Variants in DAB2IP observed in about 807,000 individuals in gnomAD.
DAB2IP encodes the protein disabled homolog 2-interacting protein.
DAB2IP carries 28 observed loss-of-function variants against 107.2 expected under a neutral mutation model. The ratio of observed to expected loss-of-function variants is 0.26; its 90% CI spans 0.19 to 0.36. The LOEUF (loss-of-function observed/expected upper bound fraction) is 0.36, where lower values mean the gene tolerates loss of function less well. DAB2IP is among the 10% of genes least tolerant of loss of function. DAB2IP has a pLI of 1.00. For synonymous variants in DAB2IP, 755 were observed against 706.4 expected, an observed-to-expected ratio of 1.07 and a Z score of -1.09; for missense variants, 1,400 against 1,644.7, an observed-to-expected ratio of 0.85 and a Z score of 2.57.
chr9:121,667,778 G>A (rs1244896670), intron 1 of DAB2IP, among the ~76,000 whole-genome samples: 1 of 152,066 alleles, frequency 6.6e-6, no homozygotes, highest in Admixed American at 6.5e-5. Flanking sequence ...GATTACAGGC[G>A]TGAGCCACCA....
At chr9:121,656,240 T>A (rs1446779693) in intron 1 of DAB2IP, among the ~76,000 whole-genome samples, 1 of 151,990 alleles carries the variant, frequency 6.6e-6, no homozygotes, top group Non-Finnish European at 1.5e-5. Context: ...ACTCCCAGCC[T>A]CAGGTGATAC....
chr9:121,693,742 G>C (rs1225557465), intron 2 of DAB2IP, among the ~76,000 whole-genome samples: 10 of 152,204 alleles, frequency 6.6e-5, no homozygotes, highest in Non-Finnish European at 1.5e-5. Flanking sequence ...TGTTGAAAGG[G>C]GAGAGGGTGA....
At chr9:121,585,945 C>T (rs1197313885) in intron 1 of DAB2IP, among the ~76,000 whole-genome samples, 1 of 152,174 alleles carries the variant, frequency 6.6e-6, no homozygotes, top group Non-Finnish European at 1.5e-5. Context: ...GATCCTAACC[C>T]ATCAGTGGCT....
intron 1 of DAB2IP, among the ~76,000 whole-genome samples, chr9:121,569,019 G>A (rs911062201): frequency 2.0e-5 from 3 of 152,220 alleles, no homozygotes; most frequent in Non-Finnish European, 4.4e-5. Flanking sequence ...GGGACAGAGG[G>A]GGCCTTAGGA....
chr9:121,649,224 C>T (rs117501411), upstream of DAB2IP, among the ~76,000 whole-genome samples: 3 of 102,844 alleles, frequency 2.9e-5, no homozygotes. Flanking sequence ...CACTAGCTGA[C>T]CCTCCTTCCT....
chr9:121,627,339 C>A (rs1209515672), intron 1 of DAB2IP, among the ~76,000 whole-genome samples: 2 of 151,892 alleles, frequency 1.3e-5, no homozygotes, highest in East Asian at 3.9e-4. Flanking sequence ...TTCAACCAGG[C>A]CCCCTGTGAT....
intron 11 of DAB2IP, 103 bp downstream of exon 11, chr9:121,770,827 A>C: frequency 6.9e-7 from 1 of 1,450,510 alleles, no homozygotes; most frequent in Non-Finnish European, 9.3e-7. Context: ...CATAGTGTTT[A>C]TAAAACAAGC....
At chr9:121,647,469 C>T (rs1832577107), upstream of DAB2IP, among the ~76,000 whole-genome samples, 4 of 152,172 alleles carry the variant, frequency 2.6e-5, no homozygotes, top group South Asian at 8.3e-4. Flanking sequence ...ATCTGGTGCC[C>T]CTGCTGACCC....
rs12006293 is a variant in DAB2IP, at chr9:121,568,793, G to A, written c.40+1565G>A. On this transcript the variant is annotated intron_variant, in intron 1 of 16. Transcript: ENST00000259371. ...GGTGGGAAGGACCAGCCCCAGCCAG[G>A]GATATCTCAGGAACCCACAGTCCCC... Among the ~76,000 whole-genome samples, 602 of 152,322 alleles carry A rather than the reference G, an allele frequency of 4.0e-3. 4 individuals carry two copies. Among genetic ancestry groups the A allele is most frequent in the African/African-American group, 0.014 (574 of 41,570 alleles).
chr9:121,757,341 T>TG (rs967781992), intron 4 of DAB2IP, among the ~76,000 whole-genome samples, 175 bp downstream of exon 4: 1 of 152,144 alleles, frequency 6.6e-6, no homozygotes, highest in Non-Finnish European at 1.5e-5. Context: ...CTGGTGGAGC[T>TG]GGGGTGGAGG....
Position 121,624,703 on chromosome 9 carries a change from C to T in DAB2IP, c.41-53975C>T, listed in dbSNP as rs572478318. Among the ~76,000 whole-genome samples, 86 of 152,338 alleles carry T rather than the reference C, an allele frequency of 5.6e-4. 1 individual carries two copies. The highest frequency in any genetic ancestry group is 1.0e-3 in the Non-Finnish European group (68 of 68,032). On this transcript the variant is annotated intron_variant, in intron 1 of 16. Coordinates refer to the DAB2IP transcript ENST00000259371. ...TCTAGCCTAGGCGTGCAGTAGGCTA[C>T]ACCATCTAGGTTTGTGCAAGTGTAC...
In DAB2IP at chr9:121,763,694, G is replaced by A. The variant is rs771611276; in HGVS notation, c.1316-41G>A. ...CAGGGCAGAGGGTGGGGCAGGGCCC[G>A]CCAGGTCCTCACTCCCCACTCCCTG... On this transcript the variant is annotated intron_variant, in intron 7 of 15. Transcript: ENST00000408936. 40 of 1,611,442 alleles carry A rather than the reference G, an allele frequency of 2.5e-5. No individual in the cohort carries two copies. The African/African-American group carries it at 3.5e-4, about 14-fold the overall frequency.
chr9:121,568,047 G>A (rs1443768628), intron 1 of DAB2IP, among the ~76,000 whole-genome samples: 1 of 152,170 alleles, frequency 6.6e-6, no homozygotes, highest in Non-Finnish European at 1.5e-5. Flanking sequence ...GCAGGGAGAA[G>A]TCCTGTTGGC....
intron 1 of DAB2IP, among the ~76,000 whole-genome samples, chr9:121,626,763 C>T (rs1272573067): frequency 3.9e-5 from 6 of 152,114 alleles, no homozygotes; most frequent in African/African-American, 9.7e-5. Context: ...TTTGAGCTTT[C>T]GGAGAGTGGC....
At chr9:121,623,737 G>A (rs541316172) in intron 1 of DAB2IP, among the ~76,000 whole-genome samples, 1 of 152,020 alleles carries the variant, frequency 6.6e-6, no homozygotes, top group South Asian at 2.1e-4. Flanking sequence ...GCCCAGGTTG[G>A]AGTGCAGTGG....
At chr9:121,763,871 C>T in exon 8 of DAB2IP, 1 of 1,614,062 alleles carries the variant, frequency 6.2e-7, no homozygotes, top group South Asian at 1.1e-5. Flanking sequence ...AGATCATCAA[C>T]TCCTACTGGT....
intron 3 of DAB2IP, among the ~76,000 whole-genome samples, chr9:121,732,154 T>C (rs570746633): frequency 3.7e-4 from 56 of 152,268 alleles, no homozygotes; most frequent in African/African-American, 1.3e-3. Context: ...TGCCTCTTGG[T>C]AGCATTCAGC....
chr9:121,583,898 G>A (rs750225452), intron 1 of DAB2IP, among the ~76,000 whole-genome samples: 13 of 152,164 alleles, frequency 8.5e-5, no homozygotes, highest in Non-Finnish European at 1.6e-4. Context: ...AAACATTGAC[G>A]TCAGGCGTGG....
intron 2 of DAB2IP, among the ~76,000 whole-genome samples, chr9:121,694,860 G>A (rs1172346596): frequency 2.0e-5 from 3 of 152,072 alleles, no homozygotes; most frequent in Non-Finnish European, 4.4e-5. Flanking sequence ...GCAGCCTTGT[G>A]CAGCAGCCTT....
Sources: gnomAD v4.1 joint callset for allele counts (sites outside exome capture counted in the v4.1 genomes callset) on GRCh38, gnomAD v4.1.1 for gene constraint, MANE v1.5 for transcripts, NCBI Gene and HGNC (gene_info 2026-07-23, HGNC 2026-07-21) for gene names.